HERC4: variants seen among roughly 807,000 people sequenced by gnomAD.
The protein encoded by HERC4 is probable E3 ubiquitin-protein ligase HERC4.
HERC4 carries 28 observed loss-of-function variants against 124.3 expected under a neutral mutation model. That is an observed-to-expected ratio of 0.23 (90% confidence interval 0.17 to 0.31). The LOEUF is 0.31. Among genes scored for constraint, HERC4 ranks in the 10% least tolerant of loss-of-function variants. HERC4 has a pLI of 1.00. For synonymous variants in HERC4, 407 were observed against 421.5 expected, an observed-to-expected ratio of 0.97 and a Z score of 0.42; for missense variants, 713 against 1,229.3, an observed-to-expected ratio of 0.58 and a Z score of 6.28.
chr10:68,057,142 CAT>C (rs1430551607), intron 3 of HERC4, among the ~76,000 whole-genome samples: 4 of 152,026 alleles, frequency 2.6e-5, no homozygotes, highest in Non-Finnish European at 5.9e-5. Flanking sequence ...ATTTTCTTGA[CAT>C]ATAAATTTCT....
At chr10:68,055,531 G>T (rs1025267318) in intron 3 of HERC4, among the ~76,000 whole-genome samples, 1 of 152,038 alleles carries the variant, frequency 6.6e-6, no homozygotes, top group African/African-American at 2.4e-5. Flanking sequence ...GAGCTTATGT[G>T]CCTGGCACTA....
intron 8 of HERC4, among the ~76,000 whole-genome samples, chr10:68,014,421 T>C (rs2038141363): frequency 6.6e-6 from 1 of 152,118 alleles, no homozygotes; most frequent in African/African-American, 2.4e-5. Context: ...CACTAATGTT[T>C]AAATTTTAAA....
At chr10:67,999,333 C>A (rs928413581) in intron 9 of HERC4, among the ~76,000 whole-genome samples, 2 of 152,256 alleles carry the variant, frequency 1.3e-5, no homozygotes, top group Admixed American at 1.3e-4. Context: ...AATAAACTAG[C>A]CACAGTTATT....
At chr10:67,991,358 A>G (rs927092780) in intron 11 of HERC4, among the ~76,000 whole-genome samples, 159 bp from the exon 12 acceptor site, 8 of 152,148 alleles carry the variant, frequency 5.3e-5, no homozygotes, top group Non-Finnish European at 1.2e-4. Flanking sequence ...ATAAATTGCT[A>G]AAGACTGATA....
Position 68,059,464 on chromosome 10 carries a change from T to C in HERC4, c.226+13419A>G, listed in dbSNP as rs1353335400. On this transcript the variant is annotated intron_variant, in intron 3 of 24. Coordinates refer to ENST00000373700, the MANE Select transcript of HERC4 (RefSeq NM_015601.4). Reference sequence around the variant, plus strand: ...ATAATAATATTATATATTATAATAATATTATATATTATAATATTATATATT... The same window carrying C: ...ATAATAATATTATATATTATAATAACATTATATATTATAATATTATATATT... 1.6e-4 allele frequency among the ~76,000 whole-genome samples: 21 copies of C among 131,638 alleles called. No individual in the cohort carries two copies. The East Asian group carries it at 1.8e-3, about 12-fold the overall frequency. The allele number at this position is 131,638 out of a possible 152,430, so 86.4% of individuals were successfully genotyped here.
intron 7 of HERC4, among the ~76,000 whole-genome samples, chr10:68,026,043 T>C (rs1029564758): frequency 6.6e-6 from 1 of 152,210 alleles, no homozygotes; most frequent in Non-Finnish European, 1.5e-5. Context: ...CTTACATAAA[T>C]GCGCTGCAAA....
chr10:68,013,932 T>C, intron 9 of HERC4, 94 bp downstream of exon 9: 2 of 1,076,394 alleles, frequency 1.9e-6, no homozygotes, highest in Non-Finnish European at 2.7e-6. Context: ...CAATGTATCT[T>C]GGAATTCTTT....
intron 8 of HERC4, among the ~76,000 whole-genome samples, chr10:68,019,630 T>A (rs1158316690): frequency 2.6e-5 from 4 of 151,536 alleles, no homozygotes; most frequent in Non-Finnish European, 5.9e-5. Flanking sequence ...AACTCTGGAG[T>A]CTATGCACGG....
At chr10:67,974,226 A>C (rs1033365580) in intron 15 of HERC4, among the ~76,000 whole-genome samples, 4 of 152,158 alleles carry the variant, frequency 2.6e-5, no homozygotes, top group Non-Finnish European at 5.9e-5. Context: ...ACTGACAGTC[A>C]TTTTCCTTAA....
intron 4 of HERC4, among the ~76,000 whole-genome samples, chr10:68,044,084 A>G (rs1316730866): frequency 6.6e-6 from 1 of 152,202 alleles, no homozygotes; most frequent in African/African-American, 2.4e-5. Context: ...ATATTTCAAT[A>G]GCAGGAATAC....
At chr10:67,998,565 G>A (rs868711082) in intron 9 of HERC4, among the ~76,000 whole-genome samples, 2,542 of 14,640 alleles carry the variant, frequency 0.17, 80 homozygotes, top group African/African-American at 0.2. Context: ...AAAAAAAAAG[G>A]GGGGGGGGTA....
At chr10:68,039,618 T>C (rs2039660581) in intron 4 of HERC4, 1 of 1,393,662 alleles carries the variant, frequency 7.2e-7, no homozygotes, top group South Asian at 1.8e-5. Flanking sequence ...CTGCTACAAT[T>C]TAGCAGAATC....
rs145898592 is a variant in HERC4 at position 68,069,004 on chromosome 10, G to A, written c.226+3879C>T. ...AACTGTTTTTTAGATAACAGGGCTT[G>A]TTTTTAAACAGAACACCACTTTATT... is the stretch of plus-strand genomic sequence containing the variant. On this transcript the variant is annotated intron_variant, in intron 3 of 24. Transcript: ENST00000373700. 639 of 973,070 alleles carry A rather than the reference G, an allele frequency of 6.6e-4. 2 individuals carry two copies. In the African/African-American group the frequency reaches 0.011, roughly 16 times the overall value. 60.3% of individuals were successfully genotyped at this position (973,070 alleles called of 1,614,324 possible). A position where few individuals can be genotyped will look rare whatever the true frequency, so the allele number is the denominator to read the frequency against.
chr10:67,995,971 T>A, intron 9 of HERC4: 1 of 298,862 alleles, frequency 3.3e-6, no homozygotes, highest in South Asian at 2.5e-5. Context: ...CCACCTGTAA[T>A]ACATACTTTT....
At chr10:67,944,862 G>A (rs868015579) in intron 19 of HERC4, among the ~76,000 whole-genome samples, 5 of 152,140 alleles carry the variant, frequency 3.3e-5, no homozygotes, top group Non-Finnish European at 5.9e-5. Flanking sequence ...AAAAAGAAGT[G>A]ATTAGTGAGC....
intron 9 of HERC4, chr10:68,010,110 G>C (rs904025219): frequency 8.1e-6 from 6 of 742,796 alleles, no homozygotes; most frequent in Non-Finnish European, 1.3e-5. Context: ...ACTGAATGAA[G>C]AACTTAATCC....
intron 19 of HERC4, among the ~76,000 whole-genome samples, chr10:67,948,540 A>G (rs1431974577): frequency 6.6e-6 from 1 of 152,190 alleles, no homozygotes; most frequent in Non-Finnish European, 1.5e-5. Context: ...GTTGGCGTGG[A>G]TGTGGTGAAA....
At chr10:67,933,386 A>G (rs1271187434) in intron 22 of HERC4, among the ~76,000 whole-genome samples, 1 of 152,184 alleles carries the variant, frequency 6.6e-6, no homozygotes, top group East Asian at 1.9e-4. Flanking sequence ...CTTATGATAC[A>G]AAACGAAACT....
chr10:68,056,936 A>G (rs1354104199), intron 3 of HERC4, among the ~76,000 whole-genome samples: 1 of 152,222 alleles, frequency 6.6e-6, no homozygotes, highest in Non-Finnish European at 1.5e-5. Context: ...CCTAAAGTGA[A>G]TTTAAGGTCT....
Sources: allele counts gnomAD v4.1 joint callset (sites outside exome capture counted in the v4.1 genomes callset), GRCh38; gene constraint gnomAD v4.1.1; transcripts MANE v1.5; gene names NCBI Gene and HGNC (gene_info 2026-07-23, HGNC 2026-07-21).